The following PCCA variants were observed in gnomAD, a reference collection of about 807,000 sequenced individuals.
PCCA encodes the protein propionyl-CoA carboxylase alpha chain, mitochondrial.
PCCA carries 74 observed loss-of-function variants against 101.3 expected under a neutral mutation model. The observed-to-expected ratio is 0.73, with a 90% CI of 0.61 to 0.89. The LOEUF (loss-of-function observed/expected upper bound fraction) is 0.89. Ranked by LOEUF, PCCA falls within the 40% of genes least tolerant of loss-of-function variation. PCCA has a pLI of 0.00. For synonymous variants in PCCA, 294 were observed against 313.6 expected (o/e 0.94, Z 0.66); for missense variants, 891 against 907.0 (o/e 0.98, Z 0.23).
chr13:100,151,027 C>T (rs2053248000), intron 4 of PCCA: 1 of 1,547,444 alleles, frequency 6.5e-7, no homozygotes, highest in Non-Finnish European at 8.9e-7. Flanking sequence ...AGCGGACCCT[C>T]AGAAGAAAGC....
chr13:100,338,572 A>C (rs2070849166), intron 17 of PCCA, among the ~76,000 whole-genome samples: 1 of 151,884 alleles, frequency 6.6e-6, no homozygotes, highest in Non-Finnish European at 1.5e-5. Flanking sequence ...ACTGAGAGCA[A>C]ATTTTTGTAA....
intron 1 of PCCA, among the ~76,000 whole-genome samples, chr13:100,089,957 A>G (rs2046126760): frequency 6.6e-6 from 1 of 152,132 alleles, no homozygotes; most frequent in Admixed American, 6.5e-5. Context: ...GTCTCCAGTC[A>G]ATGTCGAGTC....
chr13:100,285,343 A>G (rs1453519862), intron 12 of PCCA, among the ~76,000 whole-genome samples: 1 of 152,226 alleles, frequency 6.6e-6, no homozygotes, highest in Non-Finnish European at 1.5e-5. Context: ...GCCTTCCCAC[A>G]GTACAAAGCT....
chr13:100,127,302 T>A (rs1191811604), intron 4 of PCCA, among the ~76,000 whole-genome samples: 6 of 152,200 alleles, frequency 3.9e-5, no homozygotes, highest in African/African-American at 1.4e-4. Context: ...GTTAAGGAGA[T>A]GTCTTAAGAC....
chr13:100,320,684 C>T (rs1370837274), intron 16 of PCCA, among the ~76,000 whole-genome samples: 1 of 152,070 alleles, frequency 6.6e-6, no homozygotes, highest in South Asian at 2.1e-4. Context: ...CCCACTTGAT[C>T]ATGGTGGATA....
At chr13:100,279,090 T>C (rs991235048) in intron 12 of PCCA, among the ~76,000 whole-genome samples, 16 of 152,196 alleles carry the variant, frequency 1.1e-4, no homozygotes, top group Non-Finnish European at 2.4e-4. Context: ...AATATTTCAC[T>C]AATACCTGCG....
At chr13:100,223,629 C>G (rs865911093) in intron 7 of PCCA, among the ~76,000 whole-genome samples, 14 of 152,056 alleles carry the variant, frequency 9.2e-5, no homozygotes, top group African/African-American at 1.4e-4. Flanking sequence ...GAAGGGGACC[C>G]GAGCGTGTTG....
intron 6 of PCCA, among the ~76,000 whole-genome samples, chr13:100,207,070 T>G (rs1214492917): frequency 2.0e-5 from 3 of 152,250 alleles, no homozygotes; most frequent in Non-Finnish European, 4.4e-5. Context: ...AACTTACAAT[T>G]AAGTAAATGT....
intron 6 of PCCA, among the ~76,000 whole-genome samples, chr13:100,201,634 G>A (rs1048467399): frequency 1.3e-5 from 2 of 151,872 alleles, no homozygotes; most frequent in Admixed American, 1.3e-4. Flanking sequence ...TGAGGTGGGC[G>A]GATCATCTGA....
intron 10 of PCCA, among the ~76,000 whole-genome samples, chr13:100,266,377 T>C (rs9518035): frequency 0.42 from 64,147 of 152,098 alleles, 15,547 homozygotes; most frequent in South Asian, 0.65. Flanking sequence ...GCCTGGGTGA[T>C]ATTTTTAAAC....
chr13:100,208,196 T>C lies in PCCA; in HGVS notation c.469-1136T>C, dbSNP rs2058985320. ...CTCCTTGTATATTCTTTGTGTTTAT[T>C]CCTTGTTCTACTTCTACTTCCTGCT... On this transcript the variant is annotated intron_variant, in intron 6 of 23. Transcript: ENST00000376285. Among the ~76,000 whole-genome samples the C allele has an allele frequency of 2.6e-5, 4 of 152,196 alleles. No individual in the cohort carries two copies. In the South Asian group the frequency reaches 8.3e-4, roughly 32 times the overall value.
chr13:100,331,234 A>G (rs1315104515), intron 17 of PCCA, among the ~76,000 whole-genome samples: 1 of 152,210 alleles, frequency 6.6e-6, no homozygotes, highest in East Asian at 1.9e-4. Context: ...ATCAAATGGG[A>G]GATAGAGAAA....
intron 19 of PCCA, among the ~76,000 whole-genome samples, chr13:100,389,170 G>A (rs867805578): frequency 6.6e-6 from 1 of 152,132 alleles, no homozygotes; most frequent in African/African-American, 2.4e-5. Flanking sequence ...TGTATGTAGC[G>A]GAGGCCCCGA....
chr13:100,313,301 C>G (rs927808811), intron 16 of PCCA, among the ~76,000 whole-genome samples: 1 of 152,180 alleles, frequency 6.6e-6, no homozygotes, highest in African/African-American at 2.4e-5. Context: ...CAGATAGAGT[C>G]TATTTATTGA....
intron 7 of PCCA, among the ~76,000 whole-genome samples, chr13:100,214,508 T>A (rs1461225608): frequency 6.6e-6 from 1 of 151,534 alleles, no homozygotes; most frequent in Non-Finnish European, 1.5e-5. Flanking sequence ...CACTGCAACC[T>A]CTGCCTCCCG....
At chr13:100,344,923 T>G (rs1438186684) in intron 18 of PCCA, among the ~76,000 whole-genome samples, 1 of 152,188 alleles carries the variant, frequency 6.6e-6, no homozygotes, top group Admixed American at 6.5e-5. Context: ...GATCTGGGAT[T>G]AGTGACCTTT....
chr13:100,229,274 C>G (rs1455956897), intron 7 of PCCA, among the ~76,000 whole-genome samples: 1 of 152,154 alleles, frequency 6.6e-6, no homozygotes. Context: ...CTGAGTGCAC[C>G]TTGTTTTAAA....
chr13:100,410,684 G>A (rs1391091753), intron 19 of PCCA, among the ~76,000 whole-genome samples: 1 of 152,156 alleles, frequency 6.6e-6, no homozygotes, highest in African/African-American at 2.4e-5. Flanking sequence ...GTAAATTGAT[G>A]CTATTTTTTT....
intron 19 of PCCA, among the ~76,000 whole-genome samples, chr13:100,418,722 T>TA (rs1228617654): frequency 6.6e-6 from 1 of 151,688 alleles, no homozygotes; most frequent in Non-Finnish European, 1.5e-5. Context: ...TAATCCCAAC[T>TA]ACTCGGGAGG....
Sources: allele counts gnomAD v4.1 joint callset (sites outside exome capture counted in the v4.1 genomes callset), GRCh38; gene constraint gnomAD v4.1.1; transcripts MANE v1.5; gene names NCBI Gene and HGNC (gene_info 2026-07-23, HGNC 2026-07-21).